The following CAMTA1 variants were observed in gnomAD, a reference collection of about 807,000 sequenced individuals.
The protein encoded by CAMTA1 is calmodulin-binding transcription activator 1.
In CAMTA1, 27 loss-of-function variants were observed where a neutral mutation model predicts 170.9. That is an observed-to-expected ratio of 0.16 (90% CI 0.12 to 0.22). The LOEUF is 0.22. Ranked by LOEUF, CAMTA1 falls within the 10% of genes least tolerant of loss-of-function variation. The pLI is 1.00. For missense variants in CAMTA1, 1,619 were observed against 2,217.2 expected, an observed-to-expected ratio of 0.73 and a Z score of 5.42; for synonymous variants, 833 against 891.5, an observed-to-expected ratio of 0.93 and a Z score of 1.17.
intron 7 of CAMTA1, among the ~76,000 whole-genome samples, chr1:7,653,202 C>T (rs1442083339): frequency 6.6e-6 from 1 of 152,192 alleles, no homozygotes; most frequent in Non-Finnish European, 1.5e-5. Context: ...AGGAGAGTGT[C>T]TGGCCCCGTG....
At chr1:7,654,287 T>C (rs2095865268) in intron 7 of CAMTA1, among the ~76,000 whole-genome samples, 1 of 151,880 alleles carries the variant, frequency 6.6e-6, no homozygotes, top group South Asian at 2.1e-4. Flanking sequence ...GGCTGAGGCA[T>C]GAGAATTGCT....
chr1:6,968,023 C>G (rs1427723438), intron 3 of CAMTA1, among the ~76,000 whole-genome samples: 1 of 152,156 alleles, frequency 6.6e-6, no homozygotes, highest in Non-Finnish European at 1.5e-5. Flanking sequence ...TGCTTTAACT[C>G]GAAGAACATC....
In CAMTA1 at chr1:7,230,443, C is replaced by G. The variant is rs867694829; in HGVS notation, c.303-19048C>G. Among the ~76,000 whole-genome samples, 554 of 80,432 alleles carry G rather than the reference C, an allele frequency of 6.9e-3. 44 individuals carry two copies. The highest frequency in any genetic ancestry group is 0.026 in the African/African-American group (435 of 16,774). The allele number at this position is 80,432 out of a possible 152,430, so 52.8% of individuals were successfully genotyped here. A position where few individuals can be genotyped will look rare whatever the true frequency, so the allele number is the denominator to read the frequency against. On this transcript the variant is annotated intron_variant, in intron 4 of 22. Transcript: ENST00000303635. The stretch of plus-strand genomic sequence containing the variant: ...GCTGCTCTGGGCTGACCCCCCCCCC[C>G]CGCCCCGCAAAGCTCTGTGGAAAGC...
intron 11 of CAMTA1, among the ~76,000 whole-genome samples, chr1:7,704,314 G>A (rs1412487793): frequency 6.9e-6 from 1 of 145,732 alleles, no homozygotes; most frequent in African/African-American, 2.5e-5. Context: ...AGGCCCGCGC[G>A]GGGCTCCGGG....
intron 5 of CAMTA1, among the ~76,000 whole-genome samples, chr1:7,395,057 G>A (rs6668727): frequency 0.77 from 116,523 of 151,884 alleles, 45,751 homozygotes; most frequent in African/African-American, 0.91. Flanking sequence ...TAACTTTTGT[G>A]TTTTTGGTAG....
chr1:7,470,141 C>T (rs1376233125), intron 6 of CAMTA1, among the ~76,000 whole-genome samples: 2 of 152,222 alleles, frequency 1.3e-5, no homozygotes, highest in African/African-American at 4.8e-5. Context: ...TCCTCTGTGT[C>T]CTCCAGCATC....
chr1:6,913,774 G>A (rs554948095), intron 3 of CAMTA1, among the ~76,000 whole-genome samples: 12 of 152,118 alleles, frequency 7.9e-5, no homozygotes, highest in East Asian at 7.8e-4. Context: ...AAGAGGCAGC[G>A]TGGATGTGGG....
chr1:7,303,962 A>G (rs771635117), intron 5 of CAMTA1, among the ~76,000 whole-genome samples: 7 of 152,230 alleles, frequency 4.6e-5, no homozygotes, highest in Non-Finnish European at 1.0e-4. Flanking sequence ...CAGACACAAA[A>G]GGACACACAC....
intron 4 of CAMTA1, among the ~76,000 whole-genome samples, chr1:7,194,140 G>A (rs954180393): frequency 6.6e-6 from 1 of 152,092 alleles, no homozygotes; most frequent in Non-Finnish European, 1.5e-5. Flanking sequence ...CATGACATGC[G>A]GCCTTTAGAA....
chr1:7,100,804 G>T (rs961989839), intron 4 of CAMTA1, among the ~76,000 whole-genome samples: 2 of 152,244 alleles, frequency 1.3e-5, no homozygotes, highest in Non-Finnish European at 2.9e-5. Flanking sequence ...GGGACGGCCA[G>T]GGCCATCCAC....
At chr1:6,831,083 G>T (rs900673240) in intron 3 of CAMTA1, among the ~76,000 whole-genome samples, 3 of 152,134 alleles carry the variant, frequency 2.0e-5, no homozygotes, top group Admixed American at 2.0e-4. Flanking sequence ...CTCCCAAAGT[G>T]CTGGGATTAC....
At chr1:6,981,490 T>C (rs1476976303) in intron 3 of CAMTA1, among the ~76,000 whole-genome samples, 1 of 152,218 alleles carries the variant, frequency 6.6e-6, no homozygotes, top group Non-Finnish European at 1.5e-5. Context: ...CGGAGTGCAG[T>C]AGTGTGATCA....
chr1:7,038,421 T>C (rs138423144), intron 3 of CAMTA1, among the ~76,000 whole-genome samples: 1 of 152,322 alleles, frequency 6.6e-6, no homozygotes, highest in African/African-American at 2.4e-5. Flanking sequence ...AAAATTAGTT[T>C]TTCTGCCATT....
At chr1:7,600,020 G>A (rs1236469691) in intron 6 of CAMTA1, among the ~76,000 whole-genome samples, 1 of 152,210 alleles carries the variant, frequency 6.6e-6, no homozygotes, top group Non-Finnish European at 1.5e-5. Context: ...TCTTGTGCCA[G>A]TTCTCAAAGG....
chr1:6,880,383 GTTTTTTTTT>G lies in CAMTA1; in HGVS notation c.234+55189_234+55197del, dbSNP rs34745856. The stretch of plus-strand genomic sequence containing the variant: ...GCCACCAGGCCCAGCCTCTAAAAGT[GTTTTTTTTT>G]TTTTTTTTTTTTTTTGAGACAGGGT... On this transcript the variant is annotated intron_variant, in intron 3 of 22. Transcript: ENST00000303635. Among the ~76,000 whole-genome samples the G allele has an allele frequency of 1.2e-3, 83 of 67,202 alleles. 1 individual carries two copies. Among genetic ancestry groups the G allele is most frequent in the Non-Finnish European group, 3.5e-4 (13 of 37,652 alleles). The allele number at this position is 67,202 out of a possible 152,430, so 44.1% of individuals were successfully genotyped here. A position where few individuals can be genotyped will look rare whatever the true frequency, so the allele number is the denominator to read the frequency against.
intron 5 of CAMTA1, among the ~76,000 whole-genome samples, chr1:7,451,971 T>TGGAGG (rs1162027749): frequency 6.6e-6 from 1 of 152,134 alleles, no homozygotes; most frequent in Non-Finnish European, 1.5e-5. Flanking sequence ...GAAGCTAATA[T>TGGAGG]GGAGGGGACA....
At position 7,664,314 on chromosome 1, in the gene CAMTA1, C is replaced by A. The variant is rs142209731; in HGVS notation, c.1767C>A (p.Ile589=). 1.2e-6 allele frequency: 2 copies of A among 1,613,316 alleles called. No individual in the cohort carries two copies. Among genetic ancestry groups the A allele is most frequent in the South Asian group, 2.2e-5 (2 of 91,082 alleles). Residue 589 remains isoleucine (I), a synonymous_variant, in exon 9 of 23, where the codon ATC becomes ATA. Coordinates refer to ENST00000303635, the MANE Select transcript of CAMTA1 (RefSeq NM_015215.4). ...TGGAGCAGATGGACTTCAGCGCCAT[C>A]GACTCCAACAAGGACTACACGTCCA... is the stretch of plus-strand genomic sequence containing the variant. ...TTLEQMDFSA[I]DSNKDYTSSF...
chr1:7,697,653 G>A (rs1489300173), intron 11 of CAMTA1, among the ~76,000 whole-genome samples: 2 of 152,230 alleles, frequency 1.3e-5, no homozygotes, highest in Non-Finnish European at 2.9e-5. Flanking sequence ...GTGTCAGCCA[G>A]CAGGGAGAAT....
At chr1:7,430,448 AAC>A (rs1242447656) in intron 5 of CAMTA1, among the ~76,000 whole-genome samples, 1 of 145,552 alleles carries the variant, frequency 6.9e-6, no homozygotes, top group Non-Finnish European at 1.5e-5. Context: ...CAGTGATAAT[AAC>A]GATGGTGATG....
Sources: gnomAD v4.1 joint callset for allele counts (sites outside exome capture counted in the v4.1 genomes callset) on GRCh38, gnomAD v4.1.1 for gene constraint, MANE v1.5 for transcripts, NCBI Gene and HGNC (gene_info 2026-07-23, HGNC 2026-07-21) for gene names.